The following CNTNAP2 variants were observed in gnomAD, a reference collection of about 807,000 sequenced individuals.
The protein encoded by CNTNAP2 is contactin-associated protein-like 2.
CNTNAP2 carries 98 observed loss-of-function variants against 155.2 expected under a neutral mutation model. The ratio of observed to expected loss-of-function variants is 0.63; its 90% CI spans 0.54 to 0.75. The LOEUF (loss-of-function observed/expected upper bound fraction) is 0.75. Among genes scored for constraint, CNTNAP2 ranks in the 30% least tolerant of loss-of-function variants. The pLI, the probability that CNTNAP2 is intolerant of heterozygous loss-of-function variation, is 0.00. For missense variants in CNTNAP2, 1,727 were observed against 1,688.1 expected, an observed-to-expected ratio of 1.02 and a Z score of -0.40; for synonymous variants, 651 against 631.2, an observed-to-expected ratio of 1.03 and a Z score of -0.47.
chr7:146,959,299 C>T (rs543106681), intron 3 of CNTNAP2, among the ~76,000 whole-genome samples: 1 of 152,062 alleles, frequency 6.6e-6, no homozygotes, highest in African/African-American at 2.4e-5. Context: ...CCGCGCCAGG[C>T]CTAGGATCAT....
intron 10 of CNTNAP2, among the ~76,000 whole-genome samples, chr7:147,417,205 C>T (rs1797208688): frequency 6.6e-6 from 1 of 152,138 alleles, no homozygotes; most frequent in African/African-American, 2.4e-5. Flanking sequence ...TATTATAACT[C>T]ATTGTTTTAG....
intron 23 of CNTNAP2, chr7:148,414,987 C>G (rs577403185): frequency 3.4e-6 from 1 of 292,760 alleles, no homozygotes; most frequent in East Asian, 8.3e-5. Context: ...CGCGCGCCCA[C>G]TCTATCTCCC....
chr7:146,941,569 T>C (rs1189079315), intron 3 of CNTNAP2, among the ~76,000 whole-genome samples: 6 of 152,166 alleles, frequency 3.9e-5, no homozygotes, highest in Non-Finnish European at 8.8e-5. Context: ...TACTTTGTAT[T>C]TTCTCTTACC....
chr7:148,095,433 C>T (rs1236273811), intron 15 of CNTNAP2, among the ~76,000 whole-genome samples: 2 of 152,124 alleles, frequency 1.3e-5, no homozygotes, highest in African/African-American at 4.8e-5. Flanking sequence ...AACGGTACTT[C>T]GAAATTAGCC....
chr7:148,022,428 C>T (rs1802296923), intron 15 of CNTNAP2, among the ~76,000 whole-genome samples: 1 of 148,456 alleles, frequency 6.7e-6, no homozygotes, highest in African/African-American at 2.5e-5. Context: ...GAGATCGTGC[C>T]ACTGCCCTCC....
chr7:146,430,738 C>A (rs1796162035), intron 1 of CNTNAP2, among the ~76,000 whole-genome samples: 1 of 151,960 alleles, frequency 6.6e-6, no homozygotes, highest in African/African-American at 2.4e-5. Context: ...AATTATTTTT[C>A]TACCAAATAA....
At position 148,270,748 on chromosome 7, in the gene CNTNAP2, C is replaced by T. The variant is rs1267605093; in HGVS notation, c.3475+3622C>T. Among the ~76,000 whole-genome samples, 5 of 152,154 alleles carry T rather than the reference C, an allele frequency of 3.3e-5. No homozygotes were observed. In the South Asian group the frequency reaches 6.2e-4, roughly 19 times the overall value. Reference sequence around the variant, plus strand: ...TCACAGCCTAAAAGTAGGCATCTGACGATCATGAAGTAGAAAGAATGTGGA... The same window carrying T: ...TCACAGCCTAAAAGTAGGCATCTGATGATCATGAAGTAGAAAGAATGTGGA... On this transcript the variant is annotated intron_variant, in intron 21 of 23. Transcript: ENST00000361727.
chr7:148,073,539 T>G (rs1803420504), intron 15 of CNTNAP2, among the ~76,000 whole-genome samples: 7 of 152,210 alleles, frequency 4.6e-5, no homozygotes, highest in Admixed American at 4.6e-4. Flanking sequence ...ACTTCTGGAT[T>G]ATTGGCTCAA....
At chr7:147,855,694 C>G (rs1784594085) in intron 13 of CNTNAP2, among the ~76,000 whole-genome samples, 2 of 152,074 alleles carry the variant, frequency 1.3e-5, no homozygotes, top group African/African-American at 2.4e-5. Context: ...CTCTTTTACT[C>G]TCTATTTTCC....
At chr7:146,343,080 GT>G (rs959193376) in intron 1 of CNTNAP2, among the ~76,000 whole-genome samples, 27 of 145,298 alleles carry the variant, frequency 1.9e-4, no homozygotes, top group African/African-American at 4.9e-4. Flanking sequence ...AAAGAAGGTT[GT>G]TTTTTTTTTG....
At position 148,217,266 on chromosome 7, in the gene CNTNAP2, TTC is replaced by T. The variant is rs1795656946; in HGVS notation, c.3011-13_3011-12del. 8 of 1,612,498 alleles carry T rather than the reference TTC, an allele frequency of 5.0e-6. No homozygotes were observed. Among genetic ancestry groups the T allele is most frequent in the Middle Eastern group, 1.7e-4 (1 of 6,056 alleles). ...CATCAGACCTCTCCTCATTTTTCAA[TTC>T]TCTCTCTCCTTTATAACAGATGTTG... On this transcript the variant is annotated intron_variant, in intron 18 of 23. Coordinates refer to ENST00000361727, the MANE Select transcript of CNTNAP2 (RefSeq NM_014141.6).
In CNTNAP2 at chr7:146,510,989, C is replaced by T. The variant is rs113563866; in HGVS notation, c.98-263282C>T. Among the ~76,000 whole-genome samples, 580 of 152,232 alleles carry T rather than the reference C, an allele frequency of 3.8e-3. 1 individual carries two copies. The highest frequency in any genetic ancestry group is 0.012 in the African/African-American group (486 of 41,548). On this transcript the variant is annotated intron_variant, in intron 1 of 23. Transcript: ENST00000361727. Reference sequence around the variant, plus strand: ...TCGGCTCACTGCAAGCTCCACCTCCCGGGTTCACACCATTCTCCTGCCTCA... The same window carrying T: ...TCGGCTCACTGCAAGCTCCACCTCCTGGGTTCACACCATTCTCCTGCCTCA...
chr7:146,159,629 T>G (rs1033020042), intron 1 of CNTNAP2, among the ~76,000 whole-genome samples: 2 of 151,946 alleles, frequency 1.3e-5, no homozygotes, highest in Admixed American at 1.3e-4. Context: ...CAAAAAAGAT[T>G]GAAAGAGACA....
intron 1 of CNTNAP2, among the ~76,000 whole-genome samples, chr7:146,442,958 G>A (rs748175949): frequency 1.1e-4 from 16 of 152,144 alleles, no homozygotes; most frequent in Non-Finnish European, 1.9e-4. Context: ...TGCAATCCCA[G>A]CACTTTGGGA....
rs1019862591 is a variant in CNTNAP2 at position 147,052,495 on chromosome 7, G to C, written c.550+8441G>C. Among the ~76,000 whole-genome samples the C allele has an allele frequency of 1.3e-5, 2 of 152,102 alleles. 1 individual carries two copies. Among genetic ancestry groups the C allele is most frequent in the Middle Eastern group, 6.8e-3 (2 of 294 alleles). On this transcript the variant is annotated intron_variant, in intron 4 of 23. Coordinates refer to ENST00000361727, the MANE Select transcript of CNTNAP2 (RefSeq NM_014141.6). ...GGGCATGATTATATTGTATCATATT[G>C]AACAGTGCTCTAAGGGGCCTACAAA...
intron 3 of CNTNAP2, among the ~76,000 whole-genome samples, chr7:146,848,197 A>T (rs1794797700): frequency 2.0e-5 from 3 of 152,186 alleles, no homozygotes; most frequent in Admixed American, 2.0e-4. Flanking sequence ...AGTGATTCAT[A>T]TATACCTCCA....
At chr7:146,180,898 G>T (rs779687000) in intron 1 of CNTNAP2, among the ~76,000 whole-genome samples, 13 of 152,290 alleles carry the variant, frequency 8.5e-5, no homozygotes, top group Non-Finnish European at 1.5e-4. Flanking sequence ...AGAGTCGGGT[G>T]TATGTGCTGT....
intron 9 of CNTNAP2, among the ~76,000 whole-genome samples, chr7:147,339,876 G>A (rs1255059667): frequency 1.3e-5 from 2 of 152,136 alleles, no homozygotes; most frequent in Admixed American, 1.3e-4. Flanking sequence ...GTCATAGTAA[G>A]TGAAAAGGCC....
chr7:146,555,520 A>C (rs1203991308), intron 1 of CNTNAP2, among the ~76,000 whole-genome samples: 1 of 151,902 alleles, frequency 6.6e-6, no homozygotes, highest in Non-Finnish European at 1.5e-5. Flanking sequence ...CTATCTATCT[A>C]TCTATCTATC....
Sources: gnomAD v4.1 joint callset for allele counts (sites outside exome capture counted in the v4.1 genomes callset) on GRCh38, gnomAD v4.1.1 for gene constraint, MANE v1.5 for transcripts, NCBI Gene and HGNC (gene_info 2026-07-23, HGNC 2026-07-21) for gene names.